The following SPG11 variants were observed in gnomAD, a reference collection of about 807,000 sequenced individuals.
SPG11 encodes spatacsin.
In SPG11, 222 loss-of-function variants were observed where a neutral mutation model predicts 274.0. The ratio of observed to expected loss-of-function variants is 0.81; its 90% CI spans 0.73 to 0.91. The LOEUF (loss-of-function observed/expected upper bound fraction) is 0.91. Ranked by LOEUF, SPG11 falls within the 40% of genes least tolerant of loss-of-function variation. The pLI, the probability that SPG11 is intolerant of heterozygous loss-of-function variation, is 0.00. For synonymous variants in SPG11, 1,144 were observed against 1,039.7 expected (o/e 1.10, Z -1.93); for missense variants, 3,114 against 2,872.7 (o/e 1.08, Z -1.92).
intron 7 of SPG11, among the ~76,000 whole-genome samples, chr15:44,648,340 T>G (rs528160146): frequency 1.2e-4 from 19 of 152,078 alleles, no homozygotes; most frequent in Admixed American, 2.0e-4. Context: ...GGCAAAACCC[T>G]GCCTCTACCA....
At chr15:44,594,251 C>A (rs1183231595) in intron 26 of SPG11, among the ~76,000 whole-genome samples, 2 of 150,966 alleles carry the variant, frequency 1.3e-5, no homozygotes, top group South Asian at 2.1e-4. Flanking sequence ...ATGGTGAAAC[C>A]CCGTCTCTAC....
At chr15:44,582,731 T>G (rs12901672) in intron 30 of SPG11, among the ~76,000 whole-genome samples, 2,343 of 151,820 alleles carry the variant, frequency 0.015, 30 homozygotes, top group Middle Eastern at 0.034. Flanking sequence ...AAAAATCAAC[T>G]AATGTAATCT....
Position 44,648,946 on chromosome 15 carries a change from G to GGATCATGA in SPG11, c.1514_1521dup (p.His508SerfsTer2). 6.2e-7 allele frequency: 1 copy of GGATCATGA among 1,613,786 alleles called. No homozygotes were observed. On this transcript the variant is annotated stop_gained and frameshift_variant, in exon 7 of 40. Transcript: ENST00000261866. LOFTEE classifies it high-confidence loss of function. ...GTGTCCACAGTGCTGGCACTTCCAT[G>GGATCATGA]GATCATGAGTCTGTTTAAAAACTCT...
At chr15:44,622,393 C>G (rs746530668) in intron 12 of SPG11, 46 bp from the exon 13 acceptor site, 1 of 1,459,246 alleles carries the variant, frequency 6.9e-7, no homozygotes, top group East Asian at 2.3e-5. Flanking sequence ...AAAAATCAAG[C>G]ACTTTTGCAA....
intron 28 of SPG11, among the ~76,000 whole-genome samples, chr15:44,586,808 G>C (rs138489400): frequency 6.6e-6 from 1 of 152,176 alleles, no homozygotes; most frequent in Admixed American, 6.5e-5. Context: ...CTCCTACCTT[G>C]ATCAAATTTG....
At chr15:44,644,232 G>A (rs970105063) in intron 7 of SPG11, among the ~76,000 whole-genome samples, 11 of 151,094 alleles carry the variant, frequency 7.3e-5, no homozygotes, top group Non-Finnish European at 1.6e-4. Flanking sequence ...ATCAAAAAGC[G>A]AATCCAACAG....
At chr15:44,564,443 A>G (rs2082268511) in intron 39 of SPG11, 104 bp downstream of exon 39, 11 of 1,108,566 alleles carry the variant, frequency 9.9e-6, no homozygotes, top group African/African-American at 1.5e-5. Context: ...TTTTAAGTAG[A>G]GGTAATCTAA....
At chr15:44,589,609 C>T (rs1345271198) in intron 27 of SPG11, among the ~76,000 whole-genome samples, 195 bp from the exon 28 acceptor site, 2 of 152,222 alleles carry the variant, frequency 1.3e-5, no homozygotes, top group East Asian at 1.9e-4. Context: ...ACAAGCCCTC[C>T]TCAGCAGCTT....
At chr15:44,659,019 C>A in intron 3 of SPG11, 60 bp downstream of exon 3, 1 of 1,524,082 alleles carries the variant, frequency 6.6e-7, no homozygotes, top group South Asian at 1.1e-5. Context: ...TAAAAAGGCT[C>A]ATCTTTATAG....
rs142114724 is a variant in SPG11 at position 44,636,591 on chromosome 15, G to A, written c.1603-2954C>T. Among the ~76,000 whole-genome samples the A allele has an allele frequency of 9.7e-4, 148 of 151,960 alleles. 2 individuals are homozygous for A. In the East Asian group the frequency reaches 0.026, roughly 27 times the overall value. On this transcript the variant is annotated intron_variant, in intron 7 of 39. Transcript: ENST00000261866. ...GCAGGAAAATAGCGTGAACCTGGGC[G>A]GCGGAGCTTGCAGTGAGCCGAGATC... is the stretch of plus-strand genomic sequence containing the variant.
chr15:44,609,011 C>T (rs1373074476), intron 18 of SPG11, among the ~76,000 whole-genome samples: 1 of 152,106 alleles, frequency 6.6e-6, no homozygotes, highest in African/African-American at 2.4e-5. Flanking sequence ...TAATTTCTGA[C>T]AGATGATTAA....
intron 17 of SPG11, 107 bp from the exon 18 acceptor site, chr15:44,611,092 A>AAAAAAAAAAAAAAAG (rs2083450598): frequency 1.6e-5 from 1 of 61,508 alleles, no homozygotes; most frequent in South Asian, 2.7e-4. Flanking sequence ...TATCCCCAGT[A>AAAAAAAAAAAAAAAG]AAAAAAAAAA....
At chr15:44,651,177 T>C (rs1210059881) in intron 6 of SPG11, among the ~76,000 whole-genome samples, 4 of 152,226 alleles carry the variant, frequency 2.6e-5, no homozygotes, top group Admixed American at 6.5e-5. Context: ...AGTTCATACA[T>C]GGCCCATGAG....
In SPG11 at chr15:44,569,493, T is replaced by C. The variant is rs1338622143; in HGVS notation, c.6490A>G (p.Thr2164Ala). 1.9e-6 allele frequency: 3 copies of C among 1,590,570 alleles called. No homozygotes were observed. ...EEYGLVVRLL[T>A]GIGRYNEMTY... The stretch of plus-strand genomic sequence containing the variant: ...ATCTCGTTGTACCTTCCAATGCCAG[T>C]GAGGAGCCGTACCTGTGAAGTGGGA... Residue 2164 changes from threonine (T) to alanine (A), a missense_variant, in exon 35 of 40, where the codon ACT (threonine) becomes GCT (alanine). Physicochemically the swap from Thr to Ala is moderately conservative, Grantham distance 58. Coordinates refer to ENST00000261866, the MANE Select transcript of SPG11 (RefSeq NM_025137.4).
At chr15:44,655,662 TTTATG>T (rs1454300951) in intron 4 of SPG11, among the ~76,000 whole-genome samples, 11 of 152,172 alleles carry the variant, frequency 7.2e-5, no homozygotes, top group African/African-American at 2.4e-4. Flanking sequence ...TAACCAACTG[TTTATG>T]TTATCAGTAA....
chr15:44,627,083 G>C (rs2083922122), intron 10 of SPG11, among the ~76,000 whole-genome samples: 1 of 152,132 alleles, frequency 6.6e-6, no homozygotes. Context: ...GTTTGAGGTA[G>C]ATTTTATCCT....
rs1479094521 is a variant in SPG11, at chr15:44,610,702, C to A, written c.3291+138G>T. ...CGAGATATAAAATTTTTAAATTCAG[C>A]CTTATCCTCTGCTCTTTAATCTAAT... On this transcript the variant is annotated intron_variant, in intron 18 of 39. Transcript: ENST00000261866. The A allele has an allele frequency of 7.4e-6, 7 of 943,320 alleles. No homozygotes were observed. In the African/African-American group the frequency reaches 9.8e-5, roughly 13 times the overall value. 58.4% of individuals were successfully genotyped at this position (943,320 alleles called of 1,614,324 possible). A position where few individuals can be genotyped will look rare whatever the true frequency, so the allele number is the denominator to read the frequency against.
chr15:44,584,153 A>C lies in SPG11; in HGVS notation c.5527T>G (p.Phe1843Val). The change falls in exon 30 of 40, where the codon TTC becomes GTC. Residue 1843 changes from phenylalanine to valine, a missense_variant. By Grantham distance (50) the Phe-to-Val change is conservative. Coordinates refer to ENST00000261866, the MANE Select transcript of SPG11 (RefSeq NM_025137.4). ...SFDSLASEFS[F>V]SKLAALNTSK... The stretch of plus-strand genomic sequence containing the variant: ...GTGTTCAGAGCAGCCAACTTGGAGA[A>C]GGAAAACTCACTGGCTAAACTATCA... 6.2e-7 allele frequency: 1 copy of C among 1,614,230 alleles called. No homozygotes were observed. Among genetic ancestry groups the C allele is most frequent in the East Asian group, 2.2e-5 (1 of 44,886 alleles).
intron 1 of SPG11, 31 bp from the exon 2 acceptor site, chr15:44,660,647 C>T (rs1264971519): frequency 6.2e-7 from 1 of 1,600,540 alleles, no homozygotes; most frequent in African/African-American, 1.3e-5. Flanking sequence ...TTATTATATT[C>T]TATATCCGCA....
Sources: gnomAD v4.1 joint callset for allele counts (sites outside exome capture counted in the v4.1 genomes callset) on GRCh38, gnomAD v4.1.1 for gene constraint, MANE v1.5 for transcripts, NCBI Gene and HGNC (gene_info 2026-07-23, HGNC 2026-07-21) for gene names.